The following RB1CC1 variants were observed in gnomAD, a reference collection of about 807,000 sequenced individuals.
The protein encoded by RB1CC1 is RB1 inducible coiled-coil 1.
RB1CC1 carries 46 observed loss-of-function variants against 177.5 expected under a neutral mutation model. The observed-to-expected ratio is 0.26, with a 90% CI of 0.20 to 0.33. The LOEUF is 0.33. Ranked by LOEUF, RB1CC1 falls within the 10% of genes least tolerant of loss-of-function variation. The probability of loss-of-function intolerance (pLI) is 1.00; values close to 1 mark genes in which losing one functional copy is unlikely to be tolerated. For missense variants in RB1CC1, 1,703 were observed against 1,816.3 expected (o/e 0.94, Z 1.13); for synonymous variants, 666 against 613.6 (o/e 1.09, Z -1.26).
chr8:52,643,560 A>G (rs561884630), intron 16 of RB1CC1, among the ~76,000 whole-genome samples: 15 of 152,042 alleles, frequency 9.9e-5, no homozygotes, highest in African/African-American at 3.6e-4. Flanking sequence ...GTGGTGGCAC[A>G]TGCCTGTAGT....
chr8:52,654,751 T>C (rs1186686355), intron 15 of RB1CC1, among the ~76,000 whole-genome samples: 1 of 152,150 alleles, frequency 6.6e-6, no homozygotes. Context: ...TCTCCATCAA[T>C]ATCTGAACAA....
In RB1CC1 at chr8:52,661,230, T is replaced by C. The variant is rs1591007858; in HGVS notation, c.1410A>G (p.Gln470=). 6.2e-7 allele frequency: 1 copy of C among 1,613,874 alleles called. No individual in the cohort carries two copies. Among genetic ancestry groups the C allele is most frequent in the South Asian group, 1.1e-5 (1 of 91,058 alleles). ...GCTCTATTACGAGGCGGAGCAAAGC[T>C]TGTAACTTCTCTCCATCTTGATCAG... ...LHADQDGEKL[Q]ALLRLVIELL... Residue 470 remains glutamine, a synonymous_variant, in exon 10 of 24, where the codon CAA becomes CAG. Coordinates refer to ENST00000025008, the MANE Select transcript of RB1CC1 (RefSeq NM_014781.5).
At chr8:52,641,029 G>A (rs925307873) in intron 18 of RB1CC1, among the ~76,000 whole-genome samples, 1 of 152,058 alleles carries the variant, frequency 6.6e-6, no homozygotes, top group Non-Finnish European at 1.5e-5. Context: ...GGTGGGGTAC[G>A]AAGGACCCTG....
intron 1 of RB1CC1, among the ~76,000 whole-genome samples, chr8:52,708,305 A>G (rs1856762197): frequency 6.6e-6 from 1 of 152,024 alleles, no homozygotes; most frequent in Admixed American, 6.6e-5. Flanking sequence ...TCACAAGGTA[A>G]GGAGATCGAG....
At chr8:52,645,073 C>T (rs1057226478) in intron 16 of RB1CC1, among the ~76,000 whole-genome samples, 1 of 152,174 alleles carries the variant, frequency 6.6e-6, no homozygotes, top group African/African-American at 2.4e-5. Flanking sequence ...AAAGTACAAG[C>T]TCTCTAACAA....
chr8:52,643,771 G>A (rs1025807411), intron 16 of RB1CC1, among the ~76,000 whole-genome samples: 1 of 149,826 alleles, frequency 6.7e-6, no homozygotes, highest in Non-Finnish European at 1.5e-5. Flanking sequence ...ATAGATGAAT[G>A]ATGAAATGAT....
At chr8:52,681,827 T>C (rs1853760249) in intron 5 of RB1CC1, among the ~76,000 whole-genome samples, 1 of 152,178 alleles carries the variant, frequency 6.6e-6, no homozygotes, top group East Asian at 1.9e-4. Context: ...AACCACCGCC[T>C]AGATTTCAGA....
chr8:52,688,084 C>T (rs550089754), intron 1 of RB1CC1, among the ~76,000 whole-genome samples: 4 of 152,304 alleles, frequency 2.6e-5, no homozygotes, highest in African/African-American at 4.8e-5. Context: ...TGAGGATGTA[C>T]GTCATCTTAG....
At chr8:52,689,127 A>C (rs1854575468) in intron 1 of RB1CC1, among the ~76,000 whole-genome samples, 1 of 152,070 alleles carries the variant, frequency 6.6e-6, no homozygotes, top group African/African-American at 2.4e-5. Context: ...AACAAATCCA[A>C]ATCAATCTCC....
chr8:52,699,300 A>G (rs1855769724), intron 1 of RB1CC1, among the ~76,000 whole-genome samples: 1 of 152,168 alleles, frequency 6.6e-6, no homozygotes, highest in African/African-American at 2.4e-5. Flanking sequence ...TCTCATCTCA[A>G]AAGTAGAGAT....
At chr8:52,686,480 A>G (rs1854284645) in intron 2 of RB1CC1, among the ~76,000 whole-genome samples, 2 of 152,230 alleles carry the variant, frequency 1.3e-5, no homozygotes, top group South Asian at 4.1e-4. Flanking sequence ...AAGGAGTTCA[A>G]GACTGCAGTG....
rs757782094 is a variant in RB1CC1, at chr8:52,661,155, C to G, written c.1485G>C (p.Met495Ile). Residue 495 changes from methionine (M) to isoleucine (I), a missense_variant, in exon 10 of 24, where the codon ATG becomes ATC. Coordinates refer to ENST00000025008, the MANE Select transcript of RB1CC1 (RefSeq NM_014781.5). The stretch of plus-strand genomic sequence containing the variant: ...CAACCTCAACAACAGCTAAGCAGTA[C>G]ATCTGAGGAACTGTACTAAGAGCTT... ...IVEALSTVPQ[M>I]YCLAVVEVVR... 1 of 1,613,738 alleles carries G rather than the reference C, an allele frequency of 6.2e-7. No homozygotes were observed. The highest frequency in any genetic ancestry group is 1.3e-5 in the African/African-American group (1 of 74,902).
chr8:52,679,887 C>T (rs1417786453), intron 5 of RB1CC1, among the ~76,000 whole-genome samples: 2 of 151,840 alleles, frequency 1.3e-5, no homozygotes, highest in Non-Finnish European at 2.9e-5. Flanking sequence ...AAGGAAAAAA[C>T]GTGAGAAAAA....
At chr8:52,631,485 G>A (rs118111473) in intron 20 of RB1CC1, among the ~76,000 whole-genome samples, 92 of 152,256 alleles carry the variant, frequency 6.0e-4, no homozygotes, top group Non-Finnish European at 9.4e-4. Flanking sequence ...GAGGAATTTA[G>A]AAGTAATTAA....
intron 21 of RB1CC1, among the ~76,000 whole-genome samples, chr8:52,628,761 A>G (rs1234321593): frequency 6.9e-6 from 1 of 145,058 alleles, no homozygotes; most frequent in Non-Finnish European, 1.5e-5. Context: ...GTCTCTTTAC[A>G]GCCTTTTTCA....
At chr8:52,707,434 T>TTC (rs1276093460) in intron 1 of RB1CC1, among the ~76,000 whole-genome samples, 72 of 140,680 alleles carry the variant, frequency 5.1e-4, no homozygotes, top group African/African-American at 1.6e-3. Context: ...CTTTCTTTCT[T>TTC]TTTTTTTTTT....
intron 1 of RB1CC1, among the ~76,000 whole-genome samples, chr8:52,699,858 T>TATATATATATATATATATACAC (rs756226534): frequency 3.9e-5 from 4 of 102,788 alleles, no homozygotes; most frequent in East Asian, 3.8e-4. Context: ...TATATATATA[T>TATATATATATATATATATACAC]ACACACAAAA....
At position 52,714,386 on chromosome 8, in the gene RB1CC1, T is replaced by A. The variant is rs1857325503; in HGVS notation, c.-478A>T. On this transcript the variant is annotated 5_prime_UTR_variant, in exon 1 of 24. Transcript: ENST00000025008. ...GGGATTCTGAGGCAACGCCGAGGGCTCGGCAGGGCCGCGGACACCGCCGCG... is the reference window on the plus strand; with the variant it reads ...GGGATTCTGAGGCAACGCCGAGGGCACGGCAGGGCCGCGGACACCGCCGCG... The A allele has an allele frequency of 6.6e-6, 1 of 152,646 alleles. No homozygotes were observed. The highest frequency in any genetic ancestry group is 6.5e-5 in the Admixed American group (1 of 15,282). The allele number at this position is 152,646 out of a possible 1,614,324, so 9.5% of individuals were successfully genotyped here.
At chr8:52,676,615 G>T in intron 5 of RB1CC1, 44 bp from the exon 6 acceptor site, 3 of 1,541,206 alleles carry the variant, frequency 1.9e-6, no homozygotes, top group Non-Finnish European at 2.7e-6. Flanking sequence ...GAAGGCAATG[G>T]TTTGTTTGCA....
Sources: allele counts gnomAD v4.1 joint callset (sites outside exome capture counted in the v4.1 genomes callset), GRCh38; gene constraint gnomAD v4.1.1; transcripts MANE v1.5; gene names NCBI Gene and HGNC (gene_info 2026-07-23, HGNC 2026-07-21).